The following FAT3 variants were observed in gnomAD, a reference collection of about 807,000 sequenced individuals.
The protein encoded by FAT3 is FAT atypical cadherin 3.
FAT3 carries 95 observed loss-of-function variants against 310.2 expected under a neutral mutation model. The observed-to-expected ratio is 0.31, with a 90% CI of 0.26 to 0.36. The LOEUF (loss-of-function observed/expected upper bound fraction) is 0.36. Ranked by LOEUF, FAT3 falls within the 10% of genes least tolerant of loss-of-function variation. The probability of loss-of-function intolerance (pLI) is 1.00; values close to 1 mark genes in which losing one functional copy is unlikely to be tolerated. For missense variants in FAT3, 5,408 were observed against 5,715.6 expected, an observed-to-expected ratio of 0.95 and a Z score of 1.74; for synonymous variants, 2,314 against 2,192.9, an observed-to-expected ratio of 1.06 and a Z score of -1.54.
chr11:92,844,420 C>G lies in FAT3; in HGVS notation c.11053C>G (p.Leu3685Val). 6.2e-7 allele frequency: 1 copy of G among 1,613,992 alleles called. No homozygotes were observed. Among genetic ancestry groups the G allele is most frequent in the Non-Finnish European group, 8.5e-7 (1 of 1,179,894 alleles). ...NAVLTQKQDS[L>V]RIISIQPVAG... ...AGTCCTCACCCAGAAGCAGGACAGC[C>G]TGCGCATCATCAGCATCCAGCCCGT... The change falls in exon 19 of 28, where the codon CTG becomes GTG. Residue 3685 changes from leucine to valine, a missense_variant. Physicochemically the swap from Leu to Val is conservative, Grantham distance 32. Coordinates refer to ENST00000525166, the MANE Select transcript of FAT3 (RefSeq NM_001367949.2).
At chr11:92,817,654 CTT>C (rs1266147493) in intron 13 of FAT3, among the ~76,000 whole-genome samples, 2 of 152,232 alleles carry the variant, frequency 1.3e-5, no homozygotes, top group Non-Finnish European at 2.9e-5. Context: ...AAGCAAAGCT[CTT>C]TTCAGAGGAA....
intron 2 of FAT3, among the ~76,000 whole-genome samples, chr11:92,408,359 G>A (rs1325921095): frequency 6.6e-6 from 1 of 152,042 alleles, no homozygotes; most frequent in Non-Finnish European, 1.5e-5. Context: ...TGTAGGGAGG[G>A]TATCATTTGG....
In FAT3 at chr11:92,726,972, A is replaced by G. The variant is rs375427815; in HGVS notation, c.3669+29527A>G. Among the ~76,000 whole-genome samples the G allele has an allele frequency of 3.2e-4, 48 of 152,290 alleles. No homozygotes were observed. In the South Asian group the frequency reaches 7.5e-3, roughly 24 times the overall value. ...ATCTCCCTAGGATTCTTAAATCTCAATAAAATGAACATTTACTAAAATACT... is the reference window on the plus strand; with the variant it reads ...ATCTCCCTAGGATTCTTAAATCTCAGTAAAATGAACATTTACTAAAATACT... On this transcript the variant is annotated intron_variant, in intron 4 of 27. Transcript: ENST00000525166.
At position 92,552,951 on chromosome 11, in the gene FAT3, C is replaced by CA. The variant is rs374618399; in HGVS notation, c.3607+28012dup. Among the ~76,000 whole-genome samples, 351 of 47,728 alleles carry CA rather than the reference C, an allele frequency of 7.4e-3. 4 individuals carry two copies. Among genetic ancestry groups the CA allele is most frequent in the Middle Eastern group, 0.011 (1 of 92 alleles). The allele number at this position is 47,728 out of a possible 152,430, so 31.3% of individuals were successfully genotyped here. A position where few individuals can be genotyped will look rare whatever the true frequency, so the allele number is the denominator to read the frequency against. ...GGTGACAGAGTGAGACACGTTCAAA[C>CA]AAAAAAAAATAAAAGAAAAGAAAAA... On this transcript the variant is annotated intron_variant, in intron 3 of 27. Transcript: ENST00000525166.
intron 3 of FAT3, among the ~76,000 whole-genome samples, chr11:92,696,107 A>C (rs1462536053): frequency 7.9e-6 from 1 of 127,220 alleles, no homozygotes; most frequent in Non-Finnish European, 1.7e-5. Flanking sequence ...ATTTTTTACT[A>C]TATATATATA....
chr11:92,859,657 C>T (rs1280557676), intron 21 of FAT3, among the ~76,000 whole-genome samples: 1 of 152,150 alleles, frequency 6.6e-6, no homozygotes, highest in Non-Finnish European at 1.5e-5. Context: ...AAAGGATTGG[C>T]TGTATCGTTT....
At chr11:92,440,511 G>T (rs541529699) in intron 2 of FAT3, among the ~76,000 whole-genome samples, 2 of 152,148 alleles carry the variant, frequency 1.3e-5, no homozygotes, top group African/African-American at 4.8e-5. Context: ...TGCTTCTGTG[G>T]CTAGAATTGC....
intron 1 of FAT3, among the ~76,000 whole-genome samples, chr11:92,286,416 A>T (rs1297454497): frequency 6.6e-6 from 1 of 152,080 alleles, no homozygotes; most frequent in Non-Finnish European, 1.5e-5. Context: ...GAACCTTCTT[A>T]TATGCACGGA....
chr11:92,339,026 C>G (rs1253695734), intron 1 of FAT3, among the ~76,000 whole-genome samples: 1 of 152,194 alleles, frequency 6.6e-6, no homozygotes, highest in African/African-American at 2.4e-5. Flanking sequence ...GAGCTCTATG[C>G]AGTGCCTCAG....
At position 92,657,901 on chromosome 11, in the gene FAT3, A is replaced by G. The variant is rs151281807; in HGVS notation, c.3608-39483A>G. 8.9e-3 allele frequency among the ~76,000 whole-genome samples: 1,361 copies of G among 152,316 alleles called. 19 individuals carry two copies. The highest frequency in any genetic ancestry group is 0.031 in the African/African-American group (1,297 of 41,552). On this transcript the variant is annotated intron_variant, in intron 3 of 27. Transcript: ENST00000525166. ...GACAATATCTGAAATTTCACGTCCA[A>G]TTCTGCATTATATAGACCAGCGCTG...
intron 3 of FAT3, among the ~76,000 whole-genome samples, chr11:92,682,155 G>A (rs1252889724): frequency 6.6e-6 from 1 of 152,172 alleles, no homozygotes; most frequent in Admixed American, 6.5e-5. Flanking sequence ...AAGTTACACG[G>A]TCTTGCTAAG....
intron 2 of FAT3, among the ~76,000 whole-genome samples, chr11:92,395,914 C>G (rs1475294503): frequency 6.6e-6 from 1 of 152,084 alleles, no homozygotes; most frequent in Non-Finnish European, 1.5e-5. Flanking sequence ...CTTGGGCATC[C>G]TTGGCTCCTT....
intron 2 of FAT3, among the ~76,000 whole-genome samples, chr11:92,391,119 CTG>C (rs1416892347): frequency 1.3e-5 from 2 of 152,178 alleles, no homozygotes; most frequent in Non-Finnish European, 2.9e-5. Flanking sequence ...GGCTGTGTAA[CTG>C]AGAAGAGGTA....
intron 2 of FAT3, among the ~76,000 whole-genome samples, chr11:92,479,868 C>T (rs985599448): frequency 6.6e-6 from 1 of 152,154 alleles, no homozygotes; most frequent in African/African-American, 2.4e-5. Flanking sequence ...TAATAAACTG[C>T]TGTCCATCTC....
chr11:92,442,106 TATA>T (rs1156856604), intron 2 of FAT3, among the ~76,000 whole-genome samples: 731 of 16,772 alleles, frequency 0.044, 20 homozygotes, highest in Non-Finnish European at 0.079. Flanking sequence ...TATATATATA[TATA>T]TATTTTTTTT....
At chr11:92,720,588 T>C in intron 4 of FAT3, among the ~76,000 whole-genome samples, 1 of 152,304 alleles carries the variant, frequency 6.6e-6, no homozygotes, top group Non-Finnish European at 1.5e-5. Context: ...GTATTCCACA[T>C]TGGACGAAAG....
chr11:92,880,535 A>G (rs1055431141), intron 22 of FAT3, among the ~76,000 whole-genome samples, 196 bp from the exon 23 acceptor site: 8 of 151,968 alleles, frequency 5.3e-5, no homozygotes, highest in African/African-American at 1.9e-4. Flanking sequence ...TTTGTGGGCT[A>G]GCAGGAAATC....
rs1949782200 is a variant in FAT3 at position 92,392,949 on chromosome 11, T to C, written c.3292+37545T>C. ...GGAGCTTTGGGAATCTGGCAGTGCC[T>C]CAGTTGCGGGTTGGAGGAGTAGGAG... is the stretch of plus-strand genomic sequence containing the variant. On this transcript the variant is annotated intron_variant, in intron 2 of 27. Transcript: ENST00000525166. 2.0e-5 allele frequency among the ~76,000 whole-genome samples: 3 copies of C among 152,102 alleles called. No individual in the cohort carries two copies. In the South Asian group the frequency reaches 6.2e-4, roughly 32 times the overall value.
intron 3 of FAT3, among the ~76,000 whole-genome samples, chr11:92,597,138 T>G (rs970369564): frequency 6.6e-6 from 1 of 152,226 alleles, no homozygotes; most frequent in Non-Finnish European, 1.5e-5. Context: ...TAGGTCATAT[T>G]CTGGTTGGAA....
Sources: allele counts gnomAD v4.1 joint callset (sites outside exome capture counted in the v4.1 genomes callset), GRCh38; gene constraint gnomAD v4.1.1; transcripts MANE v1.5; gene names NCBI Gene and HGNC (gene_info 2026-07-23, HGNC 2026-07-21).